Variants in FER1L6 observed in about 807,000 individuals in gnomAD.
FER1L6 encodes the protein fer-1 like family member 6, also known as fer-1-like protein 6.
In FER1L6, 177 loss-of-function variants were observed where a neutral mutation model predicts 219.2. That is an observed-to-expected ratio of 0.81 (90% CI 0.71 to 0.91). The LOEUF is 0.91. Ranked by LOEUF, FER1L6 falls within the 40% of genes least tolerant of loss-of-function variation. The pLI is 0.00. For synonymous variants in FER1L6, 768 were observed against 824.3 expected, an observed-to-expected ratio of 0.93 and a Z score of 1.17; for missense variants, 2,153 against 2,259.9, an observed-to-expected ratio of 0.95 and a Z score of 0.96.
At chr8:123,885,856 T>C (rs1489750665) in intron 1 of FER1L6, among the ~76,000 whole-genome samples, 1 of 152,206 alleles carries the variant, frequency 6.6e-6, no homozygotes, top group Non-Finnish European at 1.5e-5. Flanking sequence ...CATGGAGCCA[T>C]GCTACTTCTC....
intron 34 of FER1L6, among the ~76,000 whole-genome samples, chr8:124,092,973 G>A (rs1305626140): frequency 2.0e-5 from 3 of 151,350 alleles, no homozygotes; most frequent in African/African-American, 2.4e-5. Context: ...ACAGGCATGC[G>A]CCACCATACC....
chr8:123,888,168 G>A (rs1817239996), intron 1 of FER1L6, among the ~76,000 whole-genome samples: 1 of 151,688 alleles, frequency 6.6e-6, no homozygotes, highest in Non-Finnish European at 1.5e-5. Flanking sequence ...CCATGTTGGA[G>A]TGCAGTGACA....
rs1425508269 is a variant in FER1L6, at chr8:124,061,857, G to T, written c.3153G>T (p.Leu1051=). 1.9e-6 allele frequency: 3 copies of T among 1,613,342 alleles called. No individual in the cohort carries two copies. Among genetic ancestry groups the T allele is most frequent in the East Asian group, 2.2e-5 (1 of 44,862 alleles). Residue 1051 remains leucine (L), a synonymous_variant, in exon 25 of 41, where the codon CTG becomes CTT. Transcript: ENST00000522917. The stretch of plus-strand genomic sequence containing the variant: ...ATCTCATCCTCTCTCTGCAGGAACT[G>T]CCTGAGAACGAGCTTCTGCACCCGC... ...SIQADAFEVE[L]PENELLHPPL...
At chr8:124,005,127 C>A (rs1246272580) in intron 13 of FER1L6, among the ~76,000 whole-genome samples, 2 of 151,780 alleles carry the variant, frequency 1.3e-5, no homozygotes, top group Admixed American at 1.3e-4. Context: ...TTTAAAAATT[C>A]TGGCCATTGG....
chr8:123,956,103 T>G, intron 2 of FER1L6, 29 bp downstream of exon 2: 1 of 1,591,558 alleles, frequency 6.3e-7, no homozygotes, highest in South Asian at 1.1e-5. Context: ...TGCTGACCAT[T>G]GGGGCCTGAG....
chr8:123,869,261 G>T (rs948134940), intron 1 of FER1L6, among the ~76,000 whole-genome samples: 1 of 152,118 alleles, frequency 6.6e-6, no homozygotes, highest in African/African-American at 2.4e-5. Context: ...GATCTCCCTT[G>T]TTTTCTTGGA....
At chr8:124,030,598 A>T (rs559096239) in intron 18 of FER1L6, among the ~76,000 whole-genome samples, 6 of 152,164 alleles carry the variant, frequency 3.9e-5, no homozygotes, top group African/African-American at 1.2e-4. Flanking sequence ...TCCTTGAGTT[A>T]GCTCTGGGCT....
In FER1L6 at chr8:123,856,316, G is replaced by GTATGTATATA. The variant is rs1554608010; in HGVS notation, c.-8+4134_-8+4135insGTATATATAT. Among the ~76,000 whole-genome samples, 158 of 45,080 alleles carry GTATGTATATA rather than the reference G, an allele frequency of 3.5e-3. 27 individuals carry two copies. The highest frequency in any genetic ancestry group is 0.013 in the African/African-American group (152 of 11,502). The allele number at this position is 45,080 out of a possible 152,430, so 29.6% of individuals were successfully genotyped here. Reference sequence around the variant, plus strand: ...TGTATATATATATATATATGTATGTGTATATATATATATATATATATATAT... The same window carrying GTATGTATATA: ...TGTATATATATATATATATGTATGTGTATGTATATATATATATATATATATATATATATAT... On this transcript the variant is annotated intron_variant, in intron 1 of 40. Transcript: ENST00000522917.
At chr8:124,014,791 A>G (rs61447054) in intron 15 of FER1L6, among the ~76,000 whole-genome samples, 7,094 of 152,242 alleles carry the variant, frequency 0.047, 537 homozygotes, top group African/African-American at 0.16. Context: ...TTTTACTGAG[A>G]AACAAATTTC....
intron 1 of FER1L6, among the ~76,000 whole-genome samples, chr8:123,936,053 G>A (rs114941186): frequency 0.01 from 1,527 of 152,248 alleles, 25 homozygotes; most frequent in African/African-American, 0.035. Flanking sequence ...CAGCTGTGCA[G>A]TGTTGGCTGA....
intron 19 of FER1L6, among the ~76,000 whole-genome samples, chr8:124,038,860 C>T (rs1427579915): frequency 6.6e-6 from 1 of 152,168 alleles, no homozygotes; most frequent in Non-Finnish European, 1.5e-5. Context: ...TACCACTCCC[C>T]AAGTCTGCAC....
chr8:123,998,548 T>C (rs1278577210), intron 12 of FER1L6, among the ~76,000 whole-genome samples: 3 of 152,154 alleles, frequency 2.0e-5, no homozygotes, highest in Admixed American at 6.5e-5. Context: ...AGGCCCATGA[T>C]GACCACTGTC....
intron 35 of FER1L6, 54 bp from the exon 36 acceptor site, chr8:124,097,217 C>T (rs1285150076): frequency 3.1e-6 from 4 of 1,293,698 alleles, no homozygotes; most frequent in Non-Finnish European, 4.5e-6. Flanking sequence ...ATCAATTACC[C>T]ATGTCCCCTA....
intron 39 of FER1L6, among the ~76,000 whole-genome samples, chr8:124,109,882 A>G (rs1822946506): frequency 6.6e-6 from 1 of 152,200 alleles, no homozygotes; most frequent in Non-Finnish European, 1.5e-5. Flanking sequence ...TGCTAATATG[A>G]ACTGACTACC....
chr8:124,055,994 T>G (rs1216333499), intron 22 of FER1L6, among the ~76,000 whole-genome samples: 1 of 152,172 alleles, frequency 6.6e-6, no homozygotes, highest in East Asian at 1.9e-4. Context: ...GCCTCCCGTC[T>G]ACTTCCATTA....
In FER1L6 at chr8:123,919,959, A is replaced by G. The variant is rs148142526; in HGVS notation, c.-7-36033A>G. Among the ~76,000 whole-genome samples, 10 of 152,324 alleles carry G rather than the reference A, an allele frequency of 6.6e-5. No individual in the cohort carries two copies. In the East Asian group the frequency reaches 1.9e-3, roughly 29 times the overall value. On this transcript the variant is annotated intron_variant, in intron 1 of 40. Transcript: ENST00000522917. ...GGAGGCAGTGGGAGGAGGAGGAGGA[A>G]CACACAAGGGTGAAGGCCCTAAGCC...
chr8:123,941,360 C>T (rs1814231894), intron 1 of FER1L6, among the ~76,000 whole-genome samples: 1 of 151,990 alleles, frequency 6.6e-6, no homozygotes, highest in Non-Finnish European at 1.5e-5. Flanking sequence ...ACAGTGTTAA[C>T]CAGAGAAAGA....
intron 16 of FER1L6, among the ~76,000 whole-genome samples, chr8:124,020,625 T>C (rs1818417156): frequency 6.6e-6 from 1 of 152,132 alleles, no homozygotes; most frequent in African/African-American, 2.4e-5. Context: ...CAACCATACC[T>C]CTGGGAAGAG....
chr8:124,012,926 A>G (rs535969549), intron 14 of FER1L6, among the ~76,000 whole-genome samples: 1 of 152,376 alleles, frequency 6.6e-6, no homozygotes, highest in South Asian at 2.1e-4. Flanking sequence ...ATACAAGCAT[A>G]GGGCCATTGC....
Sources: allele counts gnomAD v4.1 joint callset (sites outside exome capture counted in the v4.1 genomes callset), GRCh38; gene constraint gnomAD v4.1.1; transcripts MANE v1.5; gene names NCBI Gene and HGNC (gene_info 2026-07-23, HGNC 2026-07-21).